PINX1: variants seen among roughly 807,000 people sequenced by gnomAD.
PINX1 encodes PIN2/TERF1-interacting telomerase inhibitor 1.
Under a neutral mutation model 25.4 loss-of-function variants are expected in PINX1, and 34 were observed. The observed-to-expected ratio is 1.34, with a 90% CI of 1.02 to 1.78. The LOEUF is 1.78. Among genes scored for constraint, PINX1 ranks in the 40% most tolerant of loss-of-function variants. The probability of loss-of-function intolerance (pLI) is 0.00; values close to 1 mark genes in which losing one functional copy is unlikely to be tolerated. For synonymous variants in PINX1, 197 were observed against 147.7 expected (o/e 1.33, Z -2.42); for missense variants, 592 against 404.9 (o/e 1.46, Z -3.97).
intron 6 of PINX1, among the ~76,000 whole-genome samples, chr8:10,777,848 T>A (rs1350130965): frequency 3.3e-5 from 5 of 152,288 alleles, no homozygotes; most frequent in South Asian, 2.1e-4. Context: ...GGATCTGCTA[T>A]CAGATACTCC....
rs186619889 is a variant in PINX1 at position 10,792,968 on chromosome 8, C to G, written c.472-27052G>C. Reference sequence around the variant, plus strand: ...AGCTGACCGCACACTGCACCTCAGCCCTTGTCCAGACTGTCTTGTTGCCAC... The same window carrying G: ...AGCTGACCGCACACTGCACCTCAGCGCTTGTCCAGACTGTCTTGTTGCCAC... On this transcript the variant is annotated intron_variant, in intron 6 of 6. Transcript: ENST00000314787. Among the ~76,000 whole-genome samples the G allele has an allele frequency of 9.1e-4, 139 of 152,262 alleles. 1 individual carries two copies. The highest frequency in any genetic ancestry group is 3.2e-3 in the African/African-American group (133 of 41,542).
At position 10,765,670 on chromosome 8, in the gene PINX1, G is replaced by T. The variant is rs749843166; in HGVS notation, c.718C>A (p.Pro240Thr). The T allele has an allele frequency of 8.1e-6, 13 of 1,613,984 alleles. 1 individual carries two copies. In the South Asian group the frequency reaches 1.2e-4, roughly 15 times the overall value. Residue 240 changes from proline (P) to threonine (T), a missense_variant, in exon 7 of 7, where the codon CCC (proline) becomes ACC (threonine). Coordinates refer to ENST00000314787, the MANE Select transcript of PINX1 (RefSeq NM_017884.6). ...CGCTCCTGGGCCTCGGCCCTCTCGG[G>T]CTTTCCCTCCGTGTGCCTCTTGGCC... is the stretch of plus-strand genomic sequence containing the variant. Reference protein sequence around the residue: ...PKAKRHTEGKPERAEAQERVA... With the variant: ...PKAKRHTEGKTERAEAQERVA...
At chr8:10,810,947 A>ACG (rs1412977285) in intron 6 of PINX1, among the ~76,000 whole-genome samples, 3 of 152,234 alleles carry the variant, frequency 2.0e-5, no homozygotes, top group Non-Finnish European at 4.4e-5. Context: ...TATTGTGACT[A>ACG]CGCACACACA....
At position 10,834,785 on chromosome 8, in the gene PINX1, A is replaced by G. The variant is rs1319060280; in HGVS notation, c.20-10T>C. 1.3e-6 allele frequency: 2 copies of G among 1,596,384 alleles called. No individual in the cohort carries two copies. The highest frequency in any genetic ancestry group is 1.1e-5 in the South Asian group (1 of 90,084). On this transcript the variant is annotated splice_polypyrimidine_tract_variant and intron_variant, in intron 1 of 6. Coordinates refer to ENST00000314787, the MANE Select transcript of PINX1 (RefSeq NM_017884.6). ...TTCTGCTTCCGCCGACCTGTAAATG[A>G]AAAAGCATTATCATCAGCAATGGAG...
intron 6 of PINX1, among the ~76,000 whole-genome samples, chr8:10,787,152 G>C (rs750970113): frequency 9.3e-5 from 14 of 150,670 alleles, no homozygotes; most frequent in Non-Finnish European, 1.5e-4. Flanking sequence ...GTCTATATTT[G>C]ATATATTATA....
intron 6 of PINX1, among the ~76,000 whole-genome samples, chr8:10,773,108 T>C (rs1202726643): frequency 6.6e-6 from 1 of 152,230 alleles, no homozygotes; most frequent in Non-Finnish European, 1.5e-5. Context: ...AGGTGCTAAG[T>C]AAATATTTAC....
At chr8:10,829,754 C>T (rs1798170692) in intron 4 of PINX1, among the ~76,000 whole-genome samples, 2 of 151,632 alleles carry the variant, frequency 1.3e-5, no homozygotes, top group South Asian at 4.2e-4. Context: ...GGCGTGATCT[C>T]GCCTCACCAC....
At chr8:10,807,184 G>T (rs547149696) in intron 6 of PINX1, among the ~76,000 whole-genome samples, 1 of 152,266 alleles carries the variant, frequency 6.6e-6, no homozygotes, top group Admixed American at 6.5e-5. Context: ...ACATACGGTT[G>T]TATCCGTGAG....
chr8:10,809,623 G>A (rs186061053), intron 6 of PINX1, among the ~76,000 whole-genome samples: 1 of 152,312 alleles, frequency 6.6e-6, no homozygotes, highest in East Asian at 1.9e-4. Flanking sequence ...TTCCTATGCT[G>A]TGAGGGCACT....
In PINX1 at chr8:10,773,569, G is replaced by A. The variant is rs541326997; in HGVS notation, c.472-7653C>T. On this transcript the variant is annotated intron_variant, in intron 6 of 6. Coordinates refer to ENST00000314787, the MANE Select transcript of PINX1 (RefSeq NM_017884.6). ...GAACTAGAAGGGACAGAATAGCTTG[G>A]CTGGACTTTAGTAGAGAAATACACA... 5.9e-5 allele frequency among the ~76,000 whole-genome samples: 9 copies of A among 152,314 alleles called. No homozygotes were observed. The East Asian group carries it at 1.7e-3, about 29-fold the overall frequency.
chr8:10,826,179 G>A lies in PINX1; in HGVS notation c.367C>T (p.Arg123Cys), dbSNP rs748016585. The part of the protein sequence containing the change: ...LEEKSKISKN[R>C]VHYMKFTKGK... ...TTTGTGAATTTCATATAGTGAACAC[G>A]GTTTTTGGAGATTTTGGACTTTTCC... Residue 123 changes from arginine (R) to cysteine (C), a missense_variant, in exon 5 of 7, where the codon CGT (arginine) becomes TGT (cysteine). Coordinates refer to ENST00000314787, the MANE Select transcript of PINX1 (RefSeq NM_017884.6). The A allele has an allele frequency of 3.8e-6, 6 of 1,584,412 alleles. No individual in the cohort carries two copies. The African/African-American group carries it at 6.7e-5, about 18-fold the overall frequency.
intron 5 of PINX1, among the ~76,000 whole-genome samples, chr8:10,823,751 C>A (rs966889599): frequency 3.9e-5 from 6 of 152,106 alleles, no homozygotes; most frequent in African/African-American, 1.4e-4. Context: ...TCACTTGAGC[C>A]CAGAAGGTCA....
chr8:10,768,342 T>C (rs902322236), intron 6 of PINX1, among the ~76,000 whole-genome samples: 7 of 152,248 alleles, frequency 4.6e-5, no homozygotes, highest in African/African-American at 1.7e-4. Flanking sequence ...ACCTTGTGAA[T>C]TCCTGATTTT....
At chr8:10,792,950 C>T (rs553121548) in intron 6 of PINX1, among the ~76,000 whole-genome samples, 6 of 152,194 alleles carry the variant, frequency 3.9e-5, no homozygotes, top group Admixed American at 2.0e-4. Flanking sequence ...GGAAGCTGAC[C>T]GCACACTGCA....
intron 5 of PINX1, among the ~76,000 whole-genome samples, chr8:10,823,472 T>A (rs1797938368): frequency 6.6e-6 from 1 of 152,006 alleles, no homozygotes; most frequent in African/African-American, 2.4e-5. Flanking sequence ...GATTGACATT[T>A]TCCCCTCTGC....
intron 1 of PINX1, among the ~76,000 whole-genome samples, chr8:10,835,982 T>G (rs35091929): frequency 2.6e-5 from 4 of 151,912 alleles, no homozygotes; most frequent in Non-Finnish European, 4.4e-5. Flanking sequence ...AATGTCAAAC[T>G]GAAAAGTAGA....
chr8:10,807,817 A>G (rs1390117770), intron 6 of PINX1, among the ~76,000 whole-genome samples: 1 of 152,214 alleles, frequency 6.6e-6, no homozygotes, highest in Non-Finnish European at 1.5e-5. Context: ...CAGAGGAGCT[A>G]AAAGGAGCAA....
chr8:10,805,541 A>T lies in PINX1; in HGVS notation c.471+14652T>A, dbSNP rs1357168839. On this transcript the variant is annotated intron_variant, in intron 6 of 6. Coordinates refer to ENST00000314787, the MANE Select transcript of PINX1 (RefSeq NM_017884.6). Reference sequence around the variant, plus strand: ...GGGGCCACACTAGTGCTGAGGGAGGAGGCAGAGCACAGGAAGGGGCCACAC... The same window carrying T: ...GGGGCCACACTAGTGCTGAGGGAGGTGGCAGAGCACAGGAAGGGGCCACAC... Among the ~76,000 whole-genome samples, 236 of 73,818 alleles carry T rather than the reference A, an allele frequency of 3.2e-3. 9 individuals carry two copies. Among genetic ancestry groups the T allele is most frequent in the Middle Eastern group, 0.012 (1 of 82 alleles). 48.4% of individuals were successfully genotyped at this position (73,818 alleles called of 152,430 possible).
intron 6 of PINX1, among the ~76,000 whole-genome samples, chr8:10,792,747 G>A (rs1324026249): frequency 6.6e-6 from 1 of 152,166 alleles, no homozygotes; most frequent in Non-Finnish European, 1.5e-5. Flanking sequence ...AACTACTTCA[G>A]GGACACGATT....
Sources: gnomAD v4.1 joint callset for allele counts (sites outside exome capture counted in the v4.1 genomes callset) on GRCh38, gnomAD v4.1.1 for gene constraint, MANE v1.5 for transcripts, NCBI Gene and HGNC (gene_info 2026-07-23, HGNC 2026-07-21) for gene names.